B4GALNT1: variants seen among roughly 807,000 people sequenced by gnomAD.
B4GALNT1 encodes the protein beta-1,4-N-acetyl-galactosaminyltransferase 1, also known as beta-1,4 N-acetylgalactosaminyltransferase 1.
Under a neutral mutation model 55.2 loss-of-function variants are expected in B4GALNT1, and 43 were observed. The observed-to-expected ratio is 0.78, with a 90% CI of 0.61 to 1.00. The LOEUF (loss-of-function observed/expected upper bound fraction) is 1.00. Ranked by LOEUF, B4GALNT1 falls within the 50% of genes least tolerant of loss-of-function variation. B4GALNT1 has a pLI of 0.00. For missense variants in B4GALNT1, 664 were observed against 729.7 expected, an observed-to-expected ratio of 0.91 and a Z score of 1.04; for synonymous variants, 305 against 311.6, an observed-to-expected ratio of 0.98 and a Z score of 0.22.
intron 6 of B4GALNT1, chr12:57,629,705 A>C (rs1435275364): frequency 1.5e-6 from 2 of 1,323,470 alleles, no homozygotes; most frequent in Non-Finnish European, 2.0e-6. Context: ...CTGAGAAAAT[A>C]GAAAGTGCAA....
In B4GALNT1 at chr12:57,631,329, C is replaced by A. The variant is rs199725482; in HGVS notation, c.254G>T (p.Ser85Ile). 35 of 1,614,126 alleles carry A rather than the reference C, an allele frequency of 2.2e-5. No homozygotes were observed. Among genetic ancestry groups the A allele is most frequent in the East Asian group, 6.7e-5 (3 of 44,878 alleles). ...GAAGGGGAGGGGGAGGCCCCCCCCA[C>A]TGGACTCACAACTGCAGTTGTTCCA... Reference protein sequence around the residue: ...LAWNNCSCESSGGGLPLPFQK... With the variant: ...LAWNNCSCESIGGGLPLPFQK... The change falls in exon 3 of 11, where the codon AGT (serine) becomes ATT (isoleucine). Residue 85 changes from serine (S) to isoleucine (I), a missense_variant. Transcript: ENST00000341156.
In B4GALNT1 at chr12:57,631,260, G is replaced by A. The variant is rs749175753; in HGVS notation, c.323C>T (p.Pro108Leu). ...RAIDLTKAFD[P>L]AELRAASATR... ...GGCAGAGGCAGCCCTCAGCTCTGCA[G>A]GGTCAAAGGCCTTGGTGAGGTCAAT... The change falls in exon 3 of 11, where the codon CCT (proline) becomes CTT (leucine). Residue 108 changes from proline (P) to leucine (L), a missense_variant. By Grantham distance (98) the Pro-to-Leu change is moderately conservative. Coordinates refer to ENST00000341156, the MANE Select transcript of B4GALNT1 (RefSeq NM_001478.5). The A allele has an allele frequency of 6.2e-7, 1 of 1,614,224 alleles. No homozygotes were observed.
chr12:57,624,602 C>T lies in B4GALNT1; in HGVS notation c.*2142G>A, dbSNP rs540622978. On this transcript the variant is annotated 3_prime_UTR_variant, in exon 11 of 11. Coordinates refer to ENST00000341156, the MANE Select transcript of B4GALNT1 (RefSeq NM_001478.5). The stretch of plus-strand genomic sequence containing the variant: ...CATGATGACTGTGGTCTGCCGCACC[C>T]GGAGGTGGGCATAGAGATGAGTGGA... 2.9e-5 allele frequency: 20 copies of T among 690,380 alleles called. No homozygotes were observed. The highest frequency in any genetic ancestry group is 1.8e-4 in the South Asian group (13 of 72,246). The allele number at this position is 690,380 out of a possible 1,614,324, so 42.8% of individuals were successfully genotyped here.
Position 57,623,762 on chromosome 12 carries a change from G to A in B4GALNT1, c.*2982C>T. On this transcript the variant is annotated 3_prime_UTR_variant, in exon 11 of 11. Coordinates refer to ENST00000341156, the MANE Select transcript of B4GALNT1 (RefSeq NM_001478.5). ...CTTCCGAGGAAGATTAGGCAGAGTG[G>A]GCAGGAAGACCAGCTCTCATGTGGG... 7.7e-7 allele frequency: 1 copy of A among 1,297,302 alleles called. No individual in the cohort carries two copies. The highest frequency in any genetic ancestry group is 1.1e-6 in the Non-Finnish European group (1 of 918,664). 80.4% of individuals were successfully genotyped at this position (1,297,302 alleles called of 1,614,324 possible). A position where few individuals can be genotyped will look rare whatever the true frequency, so the allele number is the denominator to read the frequency against.
At chr12:57,632,481 TC>T (rs1342363152) in intron 1 of B4GALNT1, 1 of 369,970 alleles carries the variant, frequency 2.7e-6, no homozygotes, top group Non-Finnish European at 5.1e-6. Context: ...GCAGTGGCAG[TC>T]CCCAAGCCCG....
chr12:57,628,432 C>G, intron 8 of B4GALNT1, 170 bp from the exon 9 acceptor site: 1 of 1,039,060 alleles, frequency 9.6e-7, no homozygotes, highest in Non-Finnish European at 1.4e-6. Flanking sequence ...CACAGAGGTT[C>G]CAAGTCAGTG....
Position 57,625,867 on chromosome 12 carries a change from GC to G in B4GALNT1, c.*876del. 8.4e-7 allele frequency: 1 copy of G among 1,185,934 alleles called. No individual in the cohort carries two copies. The highest frequency in any genetic ancestry group is 1.1e-6 in the Non-Finnish European group (1 of 900,624). The allele number at this position is 1,185,934 out of a possible 1,614,324, so 73.5% of individuals were successfully genotyped here. On this transcript the variant is annotated 3_prime_UTR_variant, in exon 11 of 11. Transcript: ENST00000341156. ...TTGAAGACCAAATCAGGGAGCCCGG[GC>G]TGAGCTATGGGTGAGGAACTGAAGA... is the stretch of plus-strand genomic sequence containing the variant.
At chr12:57,629,322 A>T in intron 6 of B4GALNT1, 176 bp from the exon 7 acceptor site, 1 of 513,370 alleles carries the variant, frequency 1.9e-6, no homozygotes, top group South Asian at 4.9e-5. Context: ...AAAAACAACA[A>T]AGAAAATTTT....
At chr12:57,627,524 G>T in intron 10 of B4GALNT1, 94 bp downstream of exon 10, 1 of 1,453,742 alleles carries the variant, frequency 6.9e-7, no homozygotes, top group South Asian at 1.4e-5. Flanking sequence ...CTGGCGGCTG[G>T]GCGCGGGTGC....
chr12:57,630,423 C>A (rs1885124955), intron 5 of B4GALNT1, 55 bp downstream of exon 5: 6 of 1,597,560 alleles, frequency 3.8e-6, no homozygotes, highest in Non-Finnish European at 5.1e-6. Flanking sequence ...GCCCTGCCTC[C>A]CTCCCAGCAT....
intron 1 of B4GALNT1, 25 bp from the exon 2 acceptor site, chr12:57,632,158 G>T: frequency 6.6e-7 from 1 of 1,513,770 alleles, no homozygotes; most frequent in Non-Finnish European, 9.0e-7. Flanking sequence ...GGTGGGGAGT[G>T]AGAAAGGGAG....
In B4GALNT1 at chr12:57,631,244, A is replaced by C. The variant is rs781089368; in HGVS notation, c.339T>G (p.Ala113=). 6.2e-7 allele frequency: 1 copy of C among 1,614,182 alleles called. No homozygotes were observed. Among genetic ancestry groups the C allele is most frequent in the South Asian group, 1.1e-5 (1 of 91,090 alleles). ...ACTCCTGCTCTCTTGTGGCAGAGGCAGCCCTCAGCTCTGCAGGGTCAAAGG... is the reference window on the plus strand; with the variant it reads ...ACTCCTGCTCTCTTGTGGCAGAGGCCGCCCTCAGCTCTGCAGGGTCAAAGG... ...TKAFDPAELR[A]ASATREQEFQ... Residue 113 remains alanine, a synonymous_variant, in exon 3 of 11, where the codon GCT becomes GCG. Transcript: ENST00000341156.
At chr12:57,632,154 G>T in intron 1 of B4GALNT1, 21 bp from the exon 2 acceptor site, 5 of 1,504,722 alleles carry the variant, frequency 3.3e-6, no homozygotes, top group Non-Finnish European at 3.6e-6. Flanking sequence ...GTAGGGTGGG[G>T]AGTGAGAAAG....
At position 57,623,873 on chromosome 12, in the gene B4GALNT1, T is replaced by A. The variant is rs764053855; in HGVS notation, c.*2871A>T. 8.7e-6 allele frequency: 14 copies of A among 1,614,030 alleles called. No homozygotes were observed. In the South Asian group the frequency reaches 1.5e-4, roughly 18 times the overall value. On this transcript the variant is annotated 3_prime_UTR_variant, in exon 11 of 11. Coordinates refer to ENST00000341156, the MANE Select transcript of B4GALNT1 (RefSeq NM_001478.5). Reference sequence around the variant, plus strand: ...TTCTCCTGCACAGTGGTCCTGTCGGTGCTGCTGTGGCTGGGGCCCTTCTTT... The same window carrying A: ...TTCTCCTGCACAGTGGTCCTGTCGGAGCTGCTGTGGCTGGGGCCCTTCTTT...
rs977760366 is a variant in B4GALNT1 at position 57,631,978 on chromosome 12, G to A, written c.155C>T (p.Pro52Leu). ...GTAGCGGGGCTCAGGAGCAAGATCTGGCAGCTCGGGCCTGCGGGGGCTTTG... is the reference window on the plus strand; with the variant it reads ...GTAGCGGGGCTCAGGAGCAAGATCTAGCAGCTCGGGCCTGCGGGGGCTTTG... The part of the protein sequence containing the change: ...PPQSPRRPEL[P>L]DLAPEPRYAH... The change falls in exon 2 of 11, where the codon CCA becomes CTA. Residue 52 changes from proline to leucine, a missense_variant. Physicochemically the swap from Pro to Leu is moderately conservative, Grantham distance 98. Transcript: ENST00000341156. The A allele has an allele frequency of 2.1e-6, 3 of 1,456,502 alleles. No individual in the cohort carries two copies. Among genetic ancestry groups the A allele is most frequent in the Non-Finnish European group, 2.7e-6 (3 of 1,104,628 alleles). The allele number at this position is 1,456,502 out of a possible 1,614,324, so 90.2% of individuals were successfully genotyped here.
chr12:57,627,537 C>G lies in B4GALNT1; in HGVS notation c.1384+81G>C, dbSNP rs983934457. ...CGCTGGCGGCTGGGCGCGGGTGCAG[C>G]CTAGGAGGAGAGGCGCGTGACCGTG... On this transcript the variant is annotated intron_variant, in intron 10 of 10. Transcript: ENST00000341156. 3 of 1,497,624 alleles carry G rather than the reference C, an allele frequency of 2.0e-6. No individual in the cohort carries two copies. In the East Asian group the frequency reaches 7.0e-5, roughly 35 times the overall value. The allele number at this position is 1,497,624 out of a possible 1,614,324, so 92.8% of individuals were successfully genotyped here.
rs1489452812 is a variant in B4GALNT1, at chr12:57,630,161, C to T, written c.703G>A (p.Ala235Thr). The change falls in exon 6 of 11, where the codon GCA becomes ACA. Residue 235 changes from alanine (A) to threonine (T), a missense_variant. By Grantham distance (58) the Ala-to-Thr change is moderately conservative. Coordinates refer to ENST00000341156, the MANE Select transcript of B4GALNT1 (RefSeq NM_001478.5). Reference protein sequence around the residue: ...YSSRSYQTNTADTVRFSTEGH... With the variant: ...YSSRSYQTNTTDTVRFSTEGH... ...CACCCAGGCCTTGCACCTGTGTCTG[C>T]TGTGTTGGTCTGGTAGCTTCGGCTG... is the stretch of plus-strand genomic sequence containing the variant. 6.2e-7 allele frequency: 1 copy of T among 1,614,234 alleles called. No homozygotes were observed.
intron 8 of B4GALNT1, 136 bp from the exon 9 acceptor site, chr12:57,628,398 C>T (rs548557468): frequency 1.2e-4 from 163 of 1,332,046 alleles, no homozygotes; most frequent in Admixed American, 2.4e-4. Context: ...AGGCCAGGAG[C>T]TAGGTAAAAG....
chr12:57,629,739 T>A, intron 6 of B4GALNT1: 12 of 1,421,670 alleles, frequency 8.4e-6, no homozygotes, highest in Non-Finnish European at 1.1e-5. Context: ...GAAGCAAACT[T>A]AGTGCAACAA....
Sources: gnomAD v4.1 joint callset for allele counts on GRCh38, gnomAD v4.1.1 for gene constraint, MANE v1.5 for transcripts, NCBI Gene and HGNC (gene_info 2026-07-23, HGNC 2026-07-21) for gene names.